Variants in SNTG2 observed in about 807,000 individuals in gnomAD.
The protein encoded by SNTG2 is gamma-2-syntrophin.
SNTG2 carries 74 observed loss-of-function variants against 70.9 expected under a neutral mutation model. That is an observed-to-expected ratio of 1.04 (90% CI 0.86 to 1.27). The LOEUF is 1.27. SNTG2 is among the 50% of genes most tolerant of loss of function. SNTG2 has a pLI of 0.00. For missense variants in SNTG2, 717 were observed against 690.7 expected, an observed-to-expected ratio of 1.04 and a Z score of -0.43; for synonymous variants, 278 against 273.8, an observed-to-expected ratio of 1.02 and a Z score of -0.15.
At chr2:1,222,129 C>CTGTCTCTGCCTA (rs1209807504) in intron 9 of SNTG2, among the ~76,000 whole-genome samples, 5 of 97,850 alleles carry the variant, frequency 5.1e-5, no homozygotes, top group Admixed American at 1.1e-4. Flanking sequence ...CTCTCTGTCT[C>CTGTCTCTGCCTA]TCTCTGTCTC....
intron 7 of SNTG2, among the ~76,000 whole-genome samples, chr2:1,172,701 T>G (rs560272880): frequency 6.6e-6 from 1 of 152,146 alleles, no homozygotes; most frequent in Non-Finnish European, 1.5e-5. Flanking sequence ...GGAAAAAACC[T>G]TTTGAGTGGC....
At chr2:1,050,411 A>G (rs1376695402) in intron 1 of SNTG2, among the ~76,000 whole-genome samples, 1 of 151,916 alleles carries the variant, frequency 6.6e-6, no homozygotes, top group Admixed American at 6.6e-5. Flanking sequence ...CTTCCTATTT[A>G]TTGTAGAGAT....
intron 4 of SNTG2, among the ~76,000 whole-genome samples, chr2:1,100,607 G>C (rs533843444): frequency 6.6e-6 from 1 of 152,204 alleles, no homozygotes; most frequent in Non-Finnish European, 1.5e-5. Flanking sequence ...CACGGGCGCC[G>C]TGGGTCCACC....
intron 13 of SNTG2, 50 bp from the exon 14 acceptor site, chr2:1,267,315 G>T: frequency 6.6e-7 from 1 of 1,522,048 alleles, no homozygotes; most frequent in Non-Finnish European, 8.9e-7. Context: ...CCTCAGCATG[G>T]GAATGACCTT....
Position 1,203,111 on chromosome 2 carries a change from G to T in SNTG2, c.592-5992G>T, listed in dbSNP as rs1673381020. Among the ~76,000 whole-genome samples, 3 of 152,142 alleles carry T rather than the reference G, an allele frequency of 2.0e-5. No homozygotes were observed. In the South Asian group the frequency reaches 6.2e-4, roughly 32 times the overall value. On this transcript the variant is annotated intron_variant, in intron 8 of 16. Transcript: ENST00000308624. ...GTCCTGGATCCAAAGTCTCCAGAAT[G>T]CAATTTCTTTTCATGTGAGCATGGA...
intron 8 of SNTG2, among the ~76,000 whole-genome samples, chr2:1,192,964 G>A (rs1352168186): frequency 2.0e-5 from 3 of 152,210 alleles, no homozygotes; most frequent in Non-Finnish European, 4.4e-5. Flanking sequence ...ACACCTGCAG[G>A]TCAGCCTCTG....
Position 1,336,236 on chromosome 2 carries a change from A to G in SNTG2, c.1488+19861A>G, listed in dbSNP as rs186628918. 7.9e-5 allele frequency among the ~76,000 whole-genome samples: 12 copies of G among 152,310 alleles called. No individual in the cohort carries two copies. The East Asian group carries it at 2.3e-3, about 29-fold the overall frequency. ...CTTAGTGACACTGAACATTTGTTTC[A>G]TAGACTTGCTGGCCATCTGTCTGTC... On this transcript the variant is annotated intron_variant, in intron 16 of 16. Transcript: ENST00000308624.
chr2:1,138,477 G>A (rs571207288), intron 6 of SNTG2, among the ~76,000 whole-genome samples: 9 of 152,320 alleles, frequency 5.9e-5, no homozygotes, highest in African/African-American at 2.2e-4. Context: ...CAGGAAGCAT[G>A]TGGTGGGGAC....
intron 1 of SNTG2, among the ~76,000 whole-genome samples, chr2:989,937 G>C (rs922311504): frequency 6.6e-6 from 1 of 152,216 alleles, no homozygotes; most frequent in Non-Finnish European, 1.5e-5. Flanking sequence ...GGAAGCCAAG[G>C]GGACCCTGCT....
chr2:1,255,885 AATATAT>A (rs1305282798), intron 12 of SNTG2, among the ~76,000 whole-genome samples: 2 of 90,478 alleles, frequency 2.2e-5, no homozygotes, highest in African/African-American at 3.7e-5. Context: ...TATATATATA[AATATAT>A]ATAAATATAT....
intron 4 of SNTG2, among the ~76,000 whole-genome samples, chr2:1,135,754 C>T (rs1470272313): frequency 2.0e-5 from 3 of 152,174 alleles, no homozygotes; most frequent in Non-Finnish European, 4.4e-5. Context: ...GACATTATCT[C>T]CTGCACTGGA....
intron 14 of SNTG2, among the ~76,000 whole-genome samples, chr2:1,304,217 CG>C (rs1387866729): frequency 2.0e-5 from 3 of 152,196 alleles, no homozygotes; most frequent in African/African-American, 7.2e-5. Flanking sequence ...GTGACCTACG[CG>C]TGGCAGATGC....
intron 1 of SNTG2, among the ~76,000 whole-genome samples, chr2:971,467 C>CT (rs1020366957): frequency 1.3e-5 from 2 of 151,682 alleles, no homozygotes; most frequent in East Asian, 1.9e-4. Context: ...ATAATAGTCT[C>CT]TTTTTTTGTA....
intron 16 of SNTG2, among the ~76,000 whole-genome samples, chr2:1,359,451 T>G (rs955573575): frequency 6.6e-6 from 1 of 152,190 alleles, no homozygotes; most frequent in African/African-American, 2.4e-5. Flanking sequence ...AATATTTTTC[T>G]TTGTCTCTTG....
chr2:985,809 T>C (rs2147972290), intron 1 of SNTG2, among the ~76,000 whole-genome samples: 1 of 152,234 alleles, frequency 6.6e-6, no homozygotes, highest in South Asian at 2.1e-4. Flanking sequence ...GCGTAAATGT[T>C]TCTCCTTTAT....
chr2:1,096,856 G>A (rs1208852166), intron 2 of SNTG2, among the ~76,000 whole-genome samples: 3 of 152,158 alleles, frequency 2.0e-5, no homozygotes, highest in African/African-American at 7.2e-5. Flanking sequence ...GGTAAATACT[G>A]AGAATGTGGA....
rs76056870 is a variant in SNTG2, at chr2:1,182,994, A to G, written c.591+9811A>G. Among the ~76,000 whole-genome samples, 129 of 152,152 alleles carry G rather than the reference A, an allele frequency of 8.5e-4. No individual in the cohort carries two copies. In the East Asian group the frequency reaches 0.017, roughly 20 times the overall value. On this transcript the variant is annotated intron_variant, in intron 8 of 16. Coordinates refer to ENST00000308624, the MANE Select transcript of SNTG2 (RefSeq NM_018968.4). ...GGTCTTGAACTCCTGGGCTCAAGCA[A>G]TCCTCCCTCCTCAGCCCCCTAAAAT...
intron 2 of SNTG2, among the ~76,000 whole-genome samples, chr2:1,092,385 G>T (rs1456886450): frequency 6.6e-6 from 1 of 152,160 alleles, no homozygotes; most frequent in Non-Finnish European, 1.5e-5. Context: ...GAGGACCTGG[G>T]GAGAGAGCAG....
At chr2:983,766 G>A (rs900887253) in intron 1 of SNTG2, among the ~76,000 whole-genome samples, 2 of 152,148 alleles carry the variant, frequency 1.3e-5, no homozygotes, top group African/African-American at 4.8e-5. Flanking sequence ...TTGAGTAGAG[G>A]GAGATTAAAA....
Sources: allele counts gnomAD v4.1 joint callset (sites outside exome capture counted in the v4.1 genomes callset), GRCh38; gene constraint gnomAD v4.1.1; transcripts MANE v1.5; gene names NCBI Gene and HGNC (gene_info 2026-07-23, HGNC 2026-07-21).